The following PRKCA variants were observed in gnomAD, a reference collection of about 807,000 sequenced individuals.
PRKCA encodes protein kinase C alpha type.
Under a neutral mutation model 87.0 loss-of-function variants are expected in PRKCA, and 27 were observed. The ratio of observed to expected loss-of-function variants is 0.31; its 90% CI spans 0.23 to 0.43. The LOEUF (loss-of-function observed/expected upper bound fraction) is 0.43, where lower values mean the gene tolerates loss of function less well. Ranked by LOEUF, PRKCA falls within the 20% of genes least tolerant of loss-of-function variation. The pLI, the probability that PRKCA is intolerant of heterozygous loss-of-function variation, is 1.00. For synonymous variants in PRKCA, 329 were observed against 311.1 expected (o/e 1.06, Z -0.61); for missense variants, 518 against 852.3 (o/e 0.61, Z 4.88).
Position 66,804,177 on chromosome 17 carries a change from C to G in PRKCA, c.*140C>G, listed in dbSNP as rs1975971642. On this transcript the variant is annotated 3_prime_UTR_variant, in exon 17 of 17. Coordinates refer to ENST00000413366, the MANE Select transcript of PRKCA (RefSeq NM_002737.3). ...GCCTGAAAATTGTAGGGTTATTAGT[C>G]CAAATGTGATCAACTGTTCAGGGTC... The G allele has an allele frequency of 3.4e-6, 4 of 1,172,942 alleles. No homozygotes were observed. The highest frequency in any genetic ancestry group is 3.1e-5 in the African/African-American group (2 of 65,022). 72.7% of individuals were successfully genotyped at this position (1,172,942 alleles called of 1,614,324 possible).
chr17:66,714,671 G>A (rs540534834), intron 8 of PRKCA, among the ~76,000 whole-genome samples: 2 of 152,314 alleles, frequency 1.3e-5, no homozygotes, highest in South Asian at 2.1e-4. Flanking sequence ...GCAGGATGGC[G>A]AGGCTCCCAA....
Position 66,803,914 on chromosome 17 carries a change from A to T in PRKCA, c.1896A>T (p.Arg632=). ...GAENFDKFFT[R]GQPVLTPPDQ... The stretch of plus-strand genomic sequence containing the variant: ...AGAACTTTGACAAGTTCTTCACACG[A>T]GGACAGCCCGTCTTAACACCACCTG... The change falls in exon 17 of 17, where the codon CGA becomes CGT. Residue 632 remains arginine (R), a synonymous_variant. Transcript: ENST00000413366. This position sits in a 1 kb window ranked among gnomAD's most constrained non-coding sequence, Gnocchi z 4.4. The T allele has an allele frequency of 6.2e-7, 1 of 1,613,962 alleles. No individual in the cohort carries two copies. The highest frequency in any genetic ancestry group is 8.5e-7 in the Non-Finnish European group (1 of 1,179,920).
At chr17:66,465,543 C>T (rs1224286684) in intron 2 of PRKCA, among the ~76,000 whole-genome samples, 1 of 151,606 alleles carries the variant, frequency 6.6e-6, no homozygotes, top group Non-Finnish European at 1.5e-5. Context: ...AGGCATGTGC[C>T]ACCATGCCTG....
intron 3 of PRKCA, among the ~76,000 whole-genome samples, chr17:66,516,602 C>T (rs7210039): frequency 0.16 from 24,678 of 151,614 alleles, 2,120 homozygotes; most frequent in East Asian, 0.3. Context: ...CACTGCACTC[C>T]AGCCTGGGCA....
intron 3 of PRKCA, among the ~76,000 whole-genome samples, chr17:66,606,947 G>A (rs189047762): frequency 5.3e-5 from 8 of 152,162 alleles, no homozygotes; most frequent in Admixed American, 5.2e-4. Flanking sequence ...GTAAAAAACA[G>A]GCAAGTTTAA....
At chr17:66,606,172 G>A (rs1263656614) in intron 3 of PRKCA, among the ~76,000 whole-genome samples, 4 of 152,048 alleles carry the variant, frequency 2.6e-5, no homozygotes, top group Non-Finnish European at 5.9e-5. Flanking sequence ...GGCGGATCAC[G>A]AGGTCAGGAG....
intron 3 of PRKCA, among the ~76,000 whole-genome samples, chr17:66,549,451 C>T (rs1445263318): frequency 1.3e-5 from 2 of 152,174 alleles, no homozygotes; most frequent in Non-Finnish European, 2.9e-5. Context: ...TCACCTGTGG[C>T]CCAGGCCTCT....
rs1164406281 is a variant in PRKCA at position 66,504,497 on chromosome 17, CAGG to C, written c.288+8217_288+8219del. 2.6e-5 allele frequency among the ~76,000 whole-genome samples: 4 copies of C among 151,936 alleles called. No homozygotes were observed. In the East Asian group the frequency reaches 7.8e-4, roughly 30 times the overall value. ...ATCCCAGCTACTTGGGAGACTGAGG[CAGG>C]AGAATTGCCTGAACCTGGGAGGCAG... On this transcript the variant is annotated intron_variant, in intron 3 of 16. Transcript: ENST00000413366.
intron 13 of PRKCA, among the ~76,000 whole-genome samples, chr17:66,753,706 T>G (rs772953402): frequency 2.4e-4 from 36 of 152,196 alleles, no homozygotes; most frequent in African/African-American, 6.7e-4. Flanking sequence ...AATGAACTCA[T>G]CAAGGTGGCG....
chr17:66,349,445 C>G (rs1173129621), intron 2 of PRKCA, among the ~76,000 whole-genome samples: 1 of 150,922 alleles, frequency 6.6e-6, no homozygotes, highest in Non-Finnish European at 1.5e-5. Context: ...GCTGTGTAGA[C>G]CTGGCTTGGT....
chr17:66,767,147 AC>A (rs775887537), intron 13 of PRKCA, among the ~76,000 whole-genome samples: 9 of 152,140 alleles, frequency 5.9e-5, no homozygotes, highest in Non-Finnish European at 1.2e-4. Context: ...AACTTAGAGA[AC>A]CTATTTTCTC....
chr17:66,355,559 G>A (rs534472696), intron 2 of PRKCA, among the ~76,000 whole-genome samples: 1 of 152,132 alleles, frequency 6.6e-6, no homozygotes, highest in East Asian at 1.9e-4. Flanking sequence ...CCATGATCGT[G>A]GCTGCCATCA....
At chr17:66,769,394 G>A (rs1974883395) in intron 13 of PRKCA, among the ~76,000 whole-genome samples, 1 of 151,884 alleles carries the variant, frequency 6.6e-6, no homozygotes, top group African/African-American at 2.4e-5. Flanking sequence ...TAGCCAGTAT[G>A]AATCAGATCT....
chr17:66,681,044 C>T (rs916124797), intron 5 of PRKCA, among the ~76,000 whole-genome samples: 4 of 152,158 alleles, frequency 2.6e-5, no homozygotes, highest in African/African-American at 7.2e-5. Flanking sequence ...GCCTGGCCAA[C>T]GTGGTGAAAC....
Position 66,358,448 on chromosome 17 carries a change from CT to C in PRKCA, c.205+52324del, listed in dbSNP as rs1183717409. On this transcript the variant is annotated intron_variant, in intron 2 of 16. Coordinates refer to ENST00000413366, the MANE Select transcript of PRKCA (RefSeq NM_002737.3). ...TTGCCCTTCTAGTACCTAGAAGGTA[CT>C]TTGCACATGGTAATGAATACATGTG... Among the ~76,000 whole-genome samples, 3 of 150,218 alleles carry C rather than the reference CT, an allele frequency of 2.0e-5. No homozygotes were observed. In the South Asian group the frequency reaches 6.2e-4, roughly 31 times the overall value.
Position 66,368,380 on chromosome 17 carries a change from A to T in PRKCA, c.205+62253A>T, listed in dbSNP as rs1368769220. Among the ~76,000 whole-genome samples the T allele has an allele frequency of 3.7e-4, 11 of 29,920 alleles. No individual in the cohort carries two copies. The East Asian group carries it at 4.2e-3, about 11-fold the overall frequency. 19.6% of individuals were successfully genotyped at this position (29,920 alleles called of 152,430 possible). Reference sequence around the variant, plus strand: ...TGTGTATATGTATATATATATATATATATATATTTTTTTTTTTTTTTTTTT... The same window carrying T: ...TGTGTATATGTATATATATATATATTTATATATTTTTTTTTTTTTTTTTTT... On this transcript the variant is annotated intron_variant, in intron 2 of 16. Coordinates refer to ENST00000413366, the MANE Select transcript of PRKCA (RefSeq NM_002737.3).
intron 8 of PRKCA, among the ~76,000 whole-genome samples, chr17:66,692,304 T>TA (rs989285905): frequency 6.6e-6 from 1 of 152,194 alleles, no homozygotes; most frequent in African/African-American, 2.4e-5. Flanking sequence ...TAGAGCATTT[T>TA]AAAAAAACAC....
At chr17:66,425,842 T>A (rs2159649) in intron 2 of PRKCA, among the ~76,000 whole-genome samples, 7,748 of 152,152 alleles carry the variant, frequency 0.051, 228 homozygotes, top group Admixed American at 0.079. Context: ...GTTAAAAGGA[T>A]TCTTAGAGGT....
intron 3 of PRKCA, among the ~76,000 whole-genome samples, chr17:66,561,281 T>A (rs1250748093): frequency 6.6e-6 from 1 of 152,176 alleles, no homozygotes; most frequent in Non-Finnish European, 1.5e-5. Flanking sequence ...AATTCTGAAT[T>A]CATTAGCCTG....
Sources: allele counts gnomAD v4.1 joint callset (sites outside exome capture counted in the v4.1 genomes callset), GRCh38; gene constraint gnomAD v4.1.1; non-coding constraint Gnocchi (gnomAD v3.1); transcripts MANE v1.5; gene names NCBI Gene and HGNC (gene_info 2026-07-23, HGNC 2026-07-21).